Variants in MYOM1 observed in about 807,000 individuals in gnomAD.
The protein encoded by MYOM1 is myomesin 1, also known as myomesin-1.
Under a neutral mutation model 205.3 loss-of-function variants are expected in MYOM1, and 164 were observed. The ratio of observed to expected loss-of-function variants is 0.80; its 90% confidence interval spans 0.70 to 0.91. The LOEUF (loss-of-function observed/expected upper bound fraction) is 0.91, where lower values mean the gene tolerates loss of function less well. MYOM1 is among the 40% of genes least tolerant of loss of function. The pLI, the probability that MYOM1 is intolerant of heterozygous loss-of-function variation, is 0.00. For synonymous variants in MYOM1, 772 were observed against 789.4 expected (o/e 0.98, Z 0.37); for missense variants, 2,011 against 2,127.3 (o/e 0.95, Z 1.08).
intron 4 of MYOM1, 125 bp from the exon 5 acceptor site, chr18:3,187,762 G>T: frequency 1.1e-6 from 1 of 891,954 alleles, no homozygotes; most frequent in South Asian, 2.0e-5. Flanking sequence ...TTAATTTTTT[G>T]TAGAGAAAAT....
At chr18:3,238,973 T>C in the MYOM1 span, among the ~76,000 whole-genome samples, 1 of 152,256 alleles carries the variant, frequency 6.6e-6, no homozygotes. Context: ...ACCCAGATAG[T>C]ACAGGATAAT....
chr18:3,232,461 T>G, the MYOM1 span, among the ~76,000 whole-genome samples: 1 of 152,026 alleles, frequency 6.6e-6, no homozygotes, highest in Non-Finnish European at 1.5e-5. Context: ...AGGGGACAGG[T>G]GGGAAGACTT....
intron 23 of MYOM1, 147 bp from the exon 24 acceptor site, chr18:3,100,573 G>T: frequency 1.5e-6 from 1 of 648,126 alleles, no homozygotes. Flanking sequence ...CATGTTCTTG[G>T]TGTCTCAGAT....
intron 22 of MYOM1, among the ~76,000 whole-genome samples, chr18:3,106,768 A>G (rs1206688937): frequency 6.6e-6 from 1 of 152,192 alleles, no homozygotes; most frequent in Non-Finnish European, 1.5e-5. Context: ...GGCTGTGGTG[A>G]GCAATGATCA....
chr18:3,090,674 A>C lies in MYOM1; in HGVS notation c.3993T>G (p.Val1331=). Residue 1331 remains valine (V), a synonymous_variant, in exon 27 of 38, where the codon GTT becomes GTG. Coordinates refer to ENST00000356443, the MANE Select transcript of MYOM1 (RefSeq NM_003803.4). ...AATTCTTACCATCTCCAACGAGAAC[A>C]ACAGTAGAATGGTTAGTTGCTTTTC... is the stretch of plus-strand genomic sequence containing the variant. The part of the protein sequence containing the change: ...QDGKATNHST[V]VLVGDVFKKL... The C allele has an allele frequency of 6.2e-7, 1 of 1,614,004 alleles. No homozygotes were observed. Among genetic ancestry groups the C allele is most frequent in the Non-Finnish European group, 8.5e-7 (1 of 1,179,878 alleles).
the MYOM1 span, among the ~76,000 whole-genome samples, chr18:3,237,304 A>G: frequency 6.6e-6 from 1 of 152,168 alleles, no homozygotes; most frequent in Non-Finnish European, 1.5e-5. Context: ...ATTCAGCCTT[A>G]AAAAGGAAAG....
intron 26 of MYOM1, chr18:3,093,544 A>G (rs1197940246): frequency 3.3e-5 from 5 of 152,174 alleles, no homozygotes; most frequent in Non-Finnish European, 7.3e-5. Context: ...GTATATACCA[A>G]TATGTACATC....
intron 7 of MYOM1, 45 bp downstream of exon 7, chr18:3,174,075 A>AC: frequency 6.3e-7 from 1 of 1,591,622 alleles, no homozygotes; most frequent in Non-Finnish European, 8.6e-7. Flanking sequence ...AGAAATTTTT[A>AC]AAAACACACA....
rs2079274205 is a variant in MYOM1 at position 3,094,568 on chromosome 18, G to C, written c.3728-262C>G. ...TCATAGTTGTCTCAACTGTAAAAAT[G>C]AGGAAGATGAACTTACCTCTAGGGG... On this transcript the variant is annotated intron_variant, in intron 25 of 37. Transcript: ENST00000356443. Among the ~76,000 whole-genome samples, 3 of 152,158 alleles carry C rather than the reference G, an allele frequency of 2.0e-5. No homozygotes were observed. In the South Asian group the frequency reaches 6.2e-4, roughly 32 times the overall value.
chr18:3,096,473 G>A (rs1268135487), intron 25 of MYOM1, among the ~76,000 whole-genome samples: 2 of 148,132 alleles, frequency 1.4e-5, no homozygotes, highest in African/African-American at 2.5e-5. Flanking sequence ...TTTTGAGATG[G>A]AGTCTCACTC....
the MYOM1 span, among the ~76,000 whole-genome samples, chr18:3,233,679 A>T: frequency 6.6e-6 from 1 of 152,244 alleles, no homozygotes; most frequent in Admixed American, 6.5e-5. Context: ...CTGACAAGTC[A>T]TATGAATGGA....
intron 2 of MYOM1, among the ~76,000 whole-genome samples, chr18:3,207,902 G>T (rs183277537): frequency 6.6e-6 from 1 of 152,304 alleles, no homozygotes; most frequent in African/African-American, 2.4e-5. Flanking sequence ...ATCTCAACTT[G>T]ATTTAGGCTG....
chr18:3,163,665 G>A (rs1271366941), intron 10 of MYOM1, among the ~76,000 whole-genome samples: 4 of 151,880 alleles, frequency 2.6e-5, no homozygotes, highest in Non-Finnish European at 5.9e-5. Flanking sequence ...TGTTGCCCAG[G>A]CTGGTCTTGA....
intron 25 of MYOM1, among the ~76,000 whole-genome samples, chr18:3,098,575 C>T (rs1486778742): frequency 5.3e-5 from 8 of 152,108 alleles, no homozygotes; most frequent in African/African-American, 1.9e-4. Context: ...CCACACCCCA[C>T]CCTCTTACAG....
Position 3,142,294 on chromosome 18 carries a change from C to T in MYOM1, c.1901-231G>A, listed in dbSNP as rs141044652. Among the ~76,000 whole-genome samples, 44 of 152,186 alleles carry T rather than the reference C, an allele frequency of 2.9e-4. No homozygotes were observed. The East Asian group carries it at 6.2e-3, about 21-fold the overall frequency. On this transcript the variant is annotated intron_variant, in intron 13 of 37. Coordinates refer to ENST00000356443, the MANE Select transcript of MYOM1 (RefSeq NM_003803.4). ...TTTTTGGAGGGGGGGAAGGGTTTCA[C>T]TCTATCACCCACGCTGGCATGCAGT...
intron 18 of MYOM1, among the ~76,000 whole-genome samples, chr18:3,128,416 A>C (rs2079826376): frequency 6.6e-6 from 1 of 152,228 alleles, no homozygotes; most frequent in African/African-American, 2.4e-5. Flanking sequence ...AGGAAAAACA[A>C]TGTCTCCTAG....
At chr18:3,184,784 C>G (rs1425604868) in intron 5 of MYOM1, among the ~76,000 whole-genome samples, 2 of 152,200 alleles carry the variant, frequency 1.3e-5, no homozygotes, top group Non-Finnish European at 2.9e-5. Context: ...TTGCACGGGG[C>G]TCAAGGGAGT....
chr18:3,236,398 T>C, the MYOM1 span: 5 of 152,200 alleles, frequency 3.3e-5, no homozygotes, highest in Non-Finnish European at 7.3e-5. Flanking sequence ...TGGATATATT[T>C]TGAAGGACTT....
At chr18:3,142,779 C>T (rs2080069717) in intron 13 of MYOM1, among the ~76,000 whole-genome samples, 1 of 152,180 alleles carries the variant, frequency 6.6e-6, no homozygotes, top group African/African-American at 2.4e-5. Context: ...TGAAAATAAG[C>T]AGGGCACAGA....
Sources: gnomAD v4.1 joint callset for allele counts (sites outside exome capture counted in the v4.1 genomes callset) on GRCh38, gnomAD v4.1.1 for gene constraint, MANE v1.5 for transcripts, NCBI Gene and HGNC (gene_info 2026-07-23, HGNC 2026-07-21) for gene names.